ZNF331: variants seen among roughly 807,000 people sequenced by gnomAD.
The protein encoded by ZNF331 is C2H2-like zinc finger protein rearranged in thyroid adenomas.
In ZNF331, 2 loss-of-function variants were observed where a neutral mutation model predicts 7.0. The observed-to-expected ratio is 0.29, with a 90% CI of 0.12 to 0.90. ZNF331 has a LOEUF of 0.90. Ranked by LOEUF, ZNF331 falls within the 40% of genes least tolerant of loss-of-function variation. The pLI, the probability that ZNF331 is intolerant of heterozygous loss-of-function variation, is 0.58. For missense variants in ZNF331, 432 were observed against 587.7 expected (o/e 0.74, Z 2.74); for synonymous variants, 196 against 205.4 (o/e 0.95, Z 0.39).
intron 2 of ZNF331, among the ~76,000 whole-genome samples, chr19:53,545,733 G>T (rs905308685): frequency 4.6e-5 from 7 of 152,278 alleles, no homozygotes; most frequent in Middle Eastern, 3.4e-3. Flanking sequence ...GCCCCCAGTG[G>T]GACATGAGAG....
At chr19:53,551,123 G>T (rs1160715807) in intron 2 of ZNF331, among the ~76,000 whole-genome samples, 2 of 151,998 alleles carry the variant, frequency 1.3e-5, no homozygotes, top group African/African-American at 2.4e-5. Flanking sequence ...GAGCCACTGC[G>T]CCTGGCCAAT....
chr19:53,564,866 A>G (rs1420406735), intron 3 of ZNF331, among the ~76,000 whole-genome samples: 2 of 152,200 alleles, frequency 1.3e-5, no homozygotes, highest in Non-Finnish European at 2.9e-5. Context: ...GGTACAAAAG[A>G]CCACTGTCTA....
chr19:53,569,255 TG>T, intron 3 of ZNF331, 48 bp from the exon 4 acceptor site: 1 of 1,039,426 alleles, frequency 9.6e-7, no homozygotes, highest in Non-Finnish European at 1.5e-6. Context: ...TACATCACTA[TG>T]GGGACCCCAG....
intron 2 of ZNF331, among the ~76,000 whole-genome samples, chr19:53,548,470 T>A (rs1568489420): frequency 6.6e-6 from 1 of 152,144 alleles, no homozygotes; most frequent in Non-Finnish European, 1.5e-5. Flanking sequence ...TTGCCCAGGC[T>A]GATCTTAAAC....
chr19:53,548,122 T>C (rs967723975), intron 2 of ZNF331, among the ~76,000 whole-genome samples: 1 of 151,616 alleles, frequency 6.6e-6, no homozygotes, highest in African/African-American at 2.4e-5. Flanking sequence ...CTTTTCTTTT[T>C]TTTTGAGATG....
intron 2 of ZNF331, among the ~76,000 whole-genome samples, chr19:53,548,141 C>G (rs923742370): frequency 4.0e-5 from 6 of 151,888 alleles, no homozygotes; most frequent in South Asian, 2.1e-4. Flanking sequence ...TGGAGTCTCC[C>G]TCTGTCACCC....
rs929419910 is a variant in ZNF331 at position 53,571,123 on chromosome 19, C to T, written c.10-481C>T. On this transcript the variant is annotated intron_variant, in intron 4 of 5. Coordinates refer to ENST00000449416, the MANE Select transcript of ZNF331 (RefSeq NM_001079906.2). The surrounding 1 kb of genome is among the most constrained non-coding windows in gnomAD (Gnocchi z 4.7). ...ATCCGCCTGCCTTGTTCTCGTGATC[C>T]GCCTGCCTTGGCCTCCCAAAGTGTT... Among the ~76,000 whole-genome samples, 14 of 152,108 alleles carry T rather than the reference C, an allele frequency of 9.2e-5. No homozygotes were observed. The highest frequency in any genetic ancestry group is 1.6e-4 in the Non-Finnish European group (11 of 68,024).
chr19:53,557,001 G>A (rs1390964157), intron 3 of ZNF331, among the ~76,000 whole-genome samples: 18 of 80,504 alleles, frequency 2.2e-4, no homozygotes, highest in African/African-American at 8.8e-4. Context: ...TTTTTTTTTG[G>A]TAGATACAAT....
In ZNF331 at chr19:53,576,294, A is replaced by G. The variant is rs546457180; in HGVS notation, c.137-403A>G. On this transcript the variant is annotated intron_variant, in intron 5 of 5. Transcript: ENST00000449416. Reference sequence around the variant, plus strand: ...GAGCCACCACTCCCGGCCCTTTACCAGTTACTTTTAATAATACTACTGACA... The same window carrying G: ...GAGCCACCACTCCCGGCCCTTTACCGGTTACTTTTAATAATACTACTGACA... 3.3e-5 allele frequency among the ~76,000 whole-genome samples: 5 copies of G among 152,268 alleles called. No homozygotes were observed. In the East Asian group the frequency reaches 7.7e-4, roughly 24 times the overall value.
rs767634641 is a variant in ZNF331, at chr19:53,577,176, A to G, written c.616A>G (p.Lys206Glu). The G allele has an allele frequency of 6.2e-7, 1 of 1,613,756 alleles. No individual in the cohort carries two copies. The highest frequency in any genetic ancestry group is 1.1e-5 in the South Asian group (1 of 91,056). The part of the protein sequence containing the change: ...FRWGSSLVIH[K>E]RIHTGEKPYE... ...ATGGGGCTCAAGCCTCGTTATTCATAAGAGGATTCATACTGGTGAAAAACC... is the reference window on the plus strand; with the variant it reads ...ATGGGGCTCAAGCCTCGTTATTCATGAGAGGATTCATACTGGTGAAAAACC... Residue 206 changes from lysine (K) to glutamate (E), a missense_variant, in exon 6 of 6, where the codon AAG (lysine) becomes GAG (glutamate). Physicochemically the swap from Lys to Glu is moderately conservative, Grantham distance 56. Around this residue, in one of 3 missense-constraint regions of ZNF331, gnomAD observed 312 missense variants for 448.6 expected, o/e 0.70. Coordinates refer to ENST00000449416, the MANE Select transcript of ZNF331 (RefSeq NM_001079906.2).
At chr19:53,525,558 G>A (rs1474163105) in intron 2 of ZNF331, among the ~76,000 whole-genome samples, 1 of 152,092 alleles carries the variant, frequency 6.6e-6, no homozygotes. Context: ...CTCTCTGTTT[G>A]TCTGTTATTG....
Position 53,577,564 on chromosome 19 carries a change from C to A in ZNF331, c.1004C>A (p.Ala335Asp). 6.2e-7 allele frequency: 1 copy of A among 1,614,134 alleles called. No individual in the cohort carries two copies. Among genetic ancestry groups the A allele is most frequent in the Non-Finnish European group, 8.5e-7 (1 of 1,180,022 alleles). The stretch of plus-strand genomic sequence containing the variant: ...CACGAATGTAAGGAGTGTGGGAAGG[C>A]CTTTCGCTGGGGTTCGAGCCTCGTT... Reference protein sequence around the residue: ...KPHECKECGKAFRWGSSLVKH... With the variant: ...KPHECKECGKDFRWGSSLVKH... Residue 335 changes from alanine (A) to aspartate (D), a missense_variant, in exon 6 of 6, where the codon GCC becomes GAC. Physicochemically the swap from Ala to Asp is moderately radical, Grantham distance 126. Around this residue, in one of 3 missense-constraint regions of ZNF331, gnomAD observed 312 missense variants for 448.6 expected, o/e 0.70. Coordinates refer to ENST00000449416, the MANE Select transcript of ZNF331 (RefSeq NM_001079906.2).
upstream of ZNF331, among the ~76,000 whole-genome samples, chr19:53,535,673 C>G (rs1386966188): frequency 6.6e-6 from 1 of 152,072 alleles, no homozygotes; most frequent in Non-Finnish European, 1.5e-5. Flanking sequence ...TGAAAATAGT[C>G]ACTGGATACC....
chr19:53,516,527 T>C (rs2086908508), upstream of ZNF331, among the ~76,000 whole-genome samples: 1 of 152,308 alleles, frequency 6.6e-6, no homozygotes, highest in South Asian at 2.1e-4. Flanking sequence ...CTGAAGACTC[T>C]TAAACAGAGC....
intron 2 of ZNF331, among the ~76,000 whole-genome samples, chr19:53,550,386 G>C (rs1600333191): frequency 6.6e-6 from 1 of 152,202 alleles, no homozygotes; most frequent in East Asian, 1.9e-4. Context: ...ATTTCTTAAT[G>C]TTTGCTTTAT....
At chr19:53,543,766 T>C (rs889873462) in intron 2 of ZNF331, among the ~76,000 whole-genome samples, 2 of 152,202 alleles carry the variant, frequency 1.3e-5, no homozygotes, top group African/African-American at 4.8e-5. Context: ...AGTACTTTTA[T>C]TACATTTTAT....
At chr19:53,552,726 C>T (rs1600348831) in intron 2 of ZNF331, among the ~76,000 whole-genome samples, 1 of 151,856 alleles carries the variant, frequency 6.6e-6, no homozygotes, top group Non-Finnish European at 1.5e-5. Context: ...AAGCGAGACC[C>T]TGTTTCAAAA....
intron 2 of ZNF331, among the ~76,000 whole-genome samples, chr19:53,550,299 G>A (rs1005865883): frequency 2.0e-5 from 3 of 152,252 alleles, no homozygotes; most frequent in East Asian, 3.9e-4. Context: ...TTTTCTGTCC[G>A]AATGATCTTT....
chr19:53,578,530 C>G lies in ZNF331; in HGVS notation c.*578C>G, dbSNP rs1009402275. On this transcript the variant is annotated 3_prime_UTR_variant, in exon 6 of 6. Coordinates refer to ENST00000449416, the MANE Select transcript of ZNF331 (RefSeq NM_001079906.2). ...TTTTGTTAGTTACTGTTGGTAATCT[C>G]TTACTGTGCCTAATTTATAAATTAA... is the stretch of plus-strand genomic sequence containing the variant. 1.8e-5 allele frequency: 4 copies of G among 218,240 alleles called. No homozygotes were observed. In the East Asian group the frequency reaches 2.8e-4, roughly 15 times the overall value. 13.5% of individuals were successfully genotyped at this position (218,240 alleles called of 1,614,324 possible). A position where few individuals can be genotyped will look rare whatever the true frequency, so the allele number is the denominator to read the frequency against.
Sources: gnomAD v4.1 joint callset for allele counts (sites outside exome capture counted in the v4.1 genomes callset) on GRCh38, gnomAD v4.1.1 for gene constraint, gnomAD v4.1.1 regional missense constraint, Gnocchi (gnomAD v3.1) non-coding constraint, MANE v1.5 for transcripts, NCBI Gene and HGNC (gene_info 2026-07-23, HGNC 2026-07-21) for gene names.